The following RAB22A variants were observed in gnomAD, a reference collection of about 807,000 sequenced individuals.
The protein encoded by RAB22A is RAB22A, member RAS oncogene family, also known as ras-related protein Rab-22A.
In RAB22A, 13 loss-of-function variants were observed where a neutral mutation model predicts 30.2. The observed-to-expected ratio is 0.43, with a 90% confidence interval of 0.28 to 0.68. The LOEUF is 0.68. Ranked by LOEUF, RAB22A falls within the 30% of genes least tolerant of loss-of-function variation. RAB22A has a pLI of 0.18. For synonymous variants in RAB22A, 89 were observed against 87.2 expected, an observed-to-expected ratio of 1.02 and a Z score of -0.11; for missense variants, 177 against 246.8, an observed-to-expected ratio of 0.72 and a Z score of 1.89.
chr20:58,343,091 C>T (rs931368243), intron 2 of RAB22A, among the ~76,000 whole-genome samples: 1 of 152,070 alleles, frequency 6.6e-6, no homozygotes, highest in African/African-American at 2.4e-5. Context: ...TCGATGAGGC[C>T]CCAAGGTGTG....
chr20:58,334,203 C>T (rs1231243442), intron 2 of RAB22A, among the ~76,000 whole-genome samples: 4 of 151,948 alleles, frequency 2.6e-5, no homozygotes, highest in East Asian at 1.9e-4. Context: ...GGTGTGGTGG[C>T]GGGTGCCTGT....
In RAB22A at chr20:58,349,851, A is replaced by G. The variant is rs118101393; in HGVS notation, c.199-3422A>G. ...CAGTGGACAGTCAGCACTACTACAC[A>G]TATGAAGAAACAGGAAGGTGTGACC... On this transcript the variant is annotated intron_variant, in intron 3 of 6. Transcript: ENST00000244040. Among the ~76,000 whole-genome samples, 1,207 of 152,368 alleles carry G rather than the reference A, an allele frequency of 7.9e-3. 13 individuals are homozygous for G. Among genetic ancestry groups the G allele is most frequent in the Middle Eastern group, 0.058 (17 of 294 alleles).
rs374391824 is a variant in RAB22A at position 58,336,468 on chromosome 20, G to T, written c.117-7250G>T. On this transcript the variant is annotated intron_variant, in intron 2 of 6. Transcript: ENST00000244040. Reference sequence around the variant, plus strand: ...CTTCTGTCCTGGAGGATCCTTAAAAGTAGAGACTTTAAGGATACTGCCTGG... The same window carrying T: ...CTTCTGTCCTGGAGGATCCTTAAAATTAGAGACTTTAAGGATACTGCCTGG... Among the ~76,000 whole-genome samples, 5 of 152,272 alleles carry T rather than the reference G, an allele frequency of 3.3e-5. No individual in the cohort carries two copies. The East Asian group carries it at 5.8e-4, about 18-fold the overall frequency.
At chr20:58,330,864 T>C (rs1036359414) in intron 2 of RAB22A, among the ~76,000 whole-genome samples, 2 of 152,244 alleles carry the variant, frequency 1.3e-5, no homozygotes, top group Non-Finnish European at 2.9e-5. Flanking sequence ...TTGCTGTCCA[T>C]TGGACTCCTT....
At position 58,366,800 on chromosome 20, in the gene RAB22A, A is replaced by T. The variant is rs893993421; in HGVS notation, c.*7097A>T. 6.6e-6 allele frequency: 1 copy of T among 152,354 alleles called. No individual in the cohort carries two copies. The highest frequency in any genetic ancestry group is 1.5e-5 in the Non-Finnish European group (1 of 68,044). 9.4% of individuals were successfully genotyped at this position (152,354 alleles called of 1,614,324 possible). The stretch of plus-strand genomic sequence containing the variant: ...TTTGTTTTACCATTGGTAATAAGAT[A>T]GTTAACATAAGTGGTCAGAACTTCG... On this transcript the variant is annotated 3_prime_UTR_variant, in exon 7 of 7. Coordinates refer to ENST00000244040, the MANE Select transcript of RAB22A (RefSeq NM_020673.3).
At chr20:58,338,792 T>A (rs1244716162) in intron 2 of RAB22A, among the ~76,000 whole-genome samples, 1 of 152,254 alleles carries the variant, frequency 6.6e-6, no homozygotes, top group East Asian at 1.9e-4. Flanking sequence ...GCCTTTGGTC[T>A]TTTTATGTCT....
chr20:58,344,639 A>G (rs771803273), intron 3 of RAB22A, among the ~76,000 whole-genome samples: 9 of 152,232 alleles, frequency 5.9e-5, no homozygotes, highest in Non-Finnish European at 1.3e-4. Context: ...TGATAGATGC[A>G]TGGTGCTATC....
At position 58,352,149 on chromosome 20, in the gene RAB22A, C is replaced by T. The variant is rs564650555; in HGVS notation, c.199-1124C>T. 2.6e-5 allele frequency among the ~76,000 whole-genome samples: 4 copies of T among 152,232 alleles called. No individual in the cohort carries two copies. In the East Asian group the frequency reaches 7.7e-4, roughly 29 times the overall value. On this transcript the variant is annotated intron_variant, in intron 3 of 6. Coordinates refer to ENST00000244040, the MANE Select transcript of RAB22A (RefSeq NM_020673.3). ...TGGATGATATTCACACAGATATATA[C>T]ATTTGTCAGTTTATCAAATTAAAAT...
At chr20:58,321,007 T>C (rs1289722631) in intron 2 of RAB22A, among the ~76,000 whole-genome samples, 1 of 151,730 alleles carries the variant, frequency 6.6e-6, no homozygotes, top group East Asian at 1.9e-4. Flanking sequence ...CTGGCCAACA[T>C]GGTAAAACCC....
intron 3 of RAB22A, among the ~76,000 whole-genome samples, chr20:58,350,926 AGATT>A: frequency 6.6e-6 from 1 of 152,248 alleles, no homozygotes; most frequent in East Asian, 1.9e-4. Flanking sequence ...TAGCATATAT[AGATT>A]TAGATTATTT....
rs904804465 is a variant in RAB22A, at chr20:58,364,183, T to C, written c.*4480T>C. 5 of 152,570 alleles carry C rather than the reference T, an allele frequency of 3.3e-5. No homozygotes were observed. The highest frequency in any genetic ancestry group is 4.8e-5 in the African/African-American group (2 of 41,436). 9.5% of individuals were successfully genotyped at this position (152,570 alleles called of 1,614,324 possible). A position where few individuals can be genotyped will look rare whatever the true frequency, so the allele number is the denominator to read the frequency against. ...AGAGGCCTATTGTGATGAAGTTGCATTGGACATAATGTGGGAAGTGAATAA... is the reference window on the plus strand; with the variant it reads ...AGAGGCCTATTGTGATGAAGTTGCACTGGACATAATGTGGGAAGTGAATAA... On this transcript the variant is annotated 3_prime_UTR_variant, in exon 7 of 7. Transcript: ENST00000244040.
chr20:58,316,278 C>T (rs1023789531), intron 2 of RAB22A, among the ~76,000 whole-genome samples: 3 of 152,160 alleles, frequency 2.0e-5, no homozygotes, highest in Non-Finnish European at 4.4e-5. Context: ...CAGGTCCCCT[C>T]GTTCATCTTC....
intron 2 of RAB22A, among the ~76,000 whole-genome samples, chr20:58,340,019 A>G (rs1156298529): frequency 1.3e-5 from 2 of 152,144 alleles, no homozygotes; most frequent in Non-Finnish European, 2.9e-5. Context: ...AATGCTGAGG[A>G]GGAAGTGGTT....
chr20:58,317,136 G>A (rs925532196), intron 2 of RAB22A, among the ~76,000 whole-genome samples: 6 of 151,264 alleles, frequency 4.0e-5, no homozygotes, highest in Non-Finnish European at 8.8e-5. Context: ...TGCTCTTGTC[G>A]CCCAGGCTGG....
chr20:58,353,310 C>T lies in RAB22A; in HGVS notation c.236C>T (p.Ala79Val). Residue 79 changes from alanine to valine, a missense_variant, in exon 4 of 7, where the codon GCT becomes GTT. Ala to Val is a moderately conservative substitution (Grantham distance 64). Coordinates refer to ENST00000244040, the MANE Select transcript of RAB22A (RefSeq NM_020673.3). ...GCACCAATGTACTATCGAGGGTCGG[C>T]TGCAGCTATAATCGTTTATGATATC... ...ALAPMYYRGS[A>V]AAIIVYDITK... 6.2e-7 allele frequency: 1 copy of T among 1,614,114 alleles called. No homozygotes were observed.
intron 2 of RAB22A, among the ~76,000 whole-genome samples, chr20:58,313,171 T>C (rs1039318360): frequency 3.3e-5 from 5 of 152,102 alleles, no homozygotes; most frequent in Non-Finnish European, 5.9e-5. Context: ...CCATCCTGAG[T>C]GTCCACTGTT....
intron 2 of RAB22A, among the ~76,000 whole-genome samples, chr20:58,322,736 T>C (rs1000861942): frequency 1.3e-5 from 2 of 152,242 alleles, no homozygotes; most frequent in Non-Finnish European, 2.9e-5. Flanking sequence ...CCAGGCTTTG[T>C]GCTGCTGTGG....
intron 2 of RAB22A, among the ~76,000 whole-genome samples, chr20:58,331,988 G>A (rs1003567520): frequency 3.3e-5 from 5 of 152,136 alleles, no homozygotes; most frequent in African/African-American, 9.7e-5. Flanking sequence ...CAAGTCCTTC[G>A]TACAACCACT....
At chr20:58,348,151 C>CG (rs34894306) in intron 3 of RAB22A, among the ~76,000 whole-genome samples, 2 of 152,098 alleles carry the variant, frequency 1.3e-5, no homozygotes, top group Admixed American at 1.3e-4. Context: ...CACTTGATCC[C>CG]GGGAGGTGGA....
Sources: allele counts gnomAD v4.1 joint callset (sites outside exome capture counted in the v4.1 genomes callset), GRCh38; gene constraint gnomAD v4.1.1; transcripts MANE v1.5; gene names NCBI Gene and HGNC (gene_info 2026-07-23, HGNC 2026-07-21).